PLPP1: variants seen among roughly 807,000 people sequenced by gnomAD.
The protein encoded by PLPP1 is lipid phosphate phosphohydrolase 1a.
In PLPP1, 24 loss-of-function variants were observed where a neutral mutation model predicts 31.2. That is an observed-to-expected ratio of 0.77 (90% CI 0.56 to 1.08). The LOEUF (loss-of-function observed/expected upper bound fraction) is 1.08. Among genes scored for constraint, PLPP1 ranks in the 50% least tolerant of loss-of-function variants. PLPP1 has a pLI of 0.00. For missense variants in PLPP1, 319 were observed against 342.7 expected, an observed-to-expected ratio of 0.93 and a Z score of 0.55; for synonymous variants, 146 against 126.3, an observed-to-expected ratio of 1.16 and a Z score of -1.05.
intron 4 of PLPP1, among the ~76,000 whole-genome samples, chr5:55,430,792 A>G (rs1200159180): frequency 6.6e-6 from 1 of 152,224 alleles, no homozygotes; most frequent in African/African-American, 2.4e-5. Context: ...TTCAAAAAAA[A>G]TTGAAAAAGC....
intron 1 of PLPP1, among the ~76,000 whole-genome samples, chr5:55,482,014 A>G (rs1752675867): frequency 1.4e-5 from 2 of 147,836 alleles, no homozygotes; most frequent in Admixed American, 1.4e-4. Context: ...TTTTATTTTT[A>G]TAAGATCTAT....
chr5:55,498,434 ACAC>A (rs1395902924), intron 1 of PLPP1, among the ~76,000 whole-genome samples: 10 of 152,164 alleles, frequency 6.6e-5, no homozygotes, highest in African/African-American at 1.9e-4. Flanking sequence ...ACACACACAC[ACAC>A]ACCTCTTCAG....
At chr5:55,522,217 T>C (rs1002836814) in intron 1 of PLPP1, among the ~76,000 whole-genome samples, 4 of 152,228 alleles carry the variant, frequency 2.6e-5, no homozygotes, top group African/African-American at 9.7e-5. Flanking sequence ...GAGACAAAGA[T>C]CTTCCTTTCC....
intron 3 of PLPP1, among the ~76,000 whole-genome samples, chr5:55,462,764 G>GTCT (rs1442610549): frequency 2.0e-5 from 3 of 152,104 alleles, no homozygotes; most frequent in African/African-American, 7.2e-5. Context: ...ACGAGGTAAG[G>GTCT]AGAGCAAGAC....
intron 4 of PLPP1, among the ~76,000 whole-genome samples, chr5:55,429,055 C>T (rs1751280034): frequency 6.6e-6 from 1 of 152,150 alleles, no homozygotes; most frequent in Non-Finnish European, 1.5e-5. Context: ...CACCAGGCAT[C>T]ACCCAGAGAC....
chr5:55,434,656 G>A (rs1751449739), intron 4 of PLPP1, among the ~76,000 whole-genome samples: 1 of 152,170 alleles, frequency 6.6e-6, no homozygotes, highest in Non-Finnish European at 1.5e-5. Context: ...TTTGACAGAG[G>A]TACCAAGAAC....
intron 1 of PLPP1, among the ~76,000 whole-genome samples, chr5:55,523,232 A>C (rs1252073881): frequency 6.6e-6 from 1 of 152,132 alleles, no homozygotes. Flanking sequence ...TGTGTTACGA[A>C]CAATCCAATT....
At position 55,534,604 on chromosome 5, in the gene PLPP1, T is replaced by G. The variant is rs1197554136; in HGVS notation, c.26A>C (p.Tyr9Ser). MFDKTRLP[Y>S]VALDVLCVLL... ...CACGCAGAGCACATCGAGGGCCACG[T>G]ACGGCAGCCGCGTCTTGTCAAACAT... is the stretch of plus-strand genomic sequence containing the variant. Residue 9 changes from tyrosine to serine, a missense_variant, in exon 1 of 6, where the codon TAC becomes TCC. Tyr to Ser is a moderately radical substitution (Grantham distance 144, BLOSUM62 -2). Coordinates refer to ENST00000307259, the MANE Select transcript of PLPP1 (RefSeq NM_003711.4). 1 of 1,558,272 alleles carries G rather than the reference T, an allele frequency of 6.4e-7. No individual in the cohort carries two copies. Among genetic ancestry groups the G allele is most frequent in the Non-Finnish European group, 8.7e-7 (1 of 1,154,132 alleles).
At chr5:55,530,314 A>C (rs1215390431) in intron 1 of PLPP1, 142 of 1,474,082 alleles carry the variant, frequency 9.6e-5, no homozygotes, top group Non-Finnish European at 2.8e-6. Flanking sequence ...CAAGGAAGAG[A>C]TACACAAATA....
chr5:55,506,883 T>C (rs1753291226), intron 1 of PLPP1, among the ~76,000 whole-genome samples: 1 of 152,210 alleles, frequency 6.6e-6, no homozygotes, highest in African/African-American at 2.4e-5. Flanking sequence ...CTTTGTTACC[T>C]GAGCAGTTTT....
At chr5:55,435,387 A>G (rs1751467999) in intron 4 of PLPP1, among the ~76,000 whole-genome samples, 1 of 128,884 alleles carries the variant, frequency 7.8e-6, no homozygotes, top group Non-Finnish European at 1.7e-5. Context: ...GGGCTTTTTA[A>G]AAGGTATTAA....
intron 1 of PLPP1, among the ~76,000 whole-genome samples, chr5:55,486,799 G>A (rs1020241944): frequency 6.6e-6 from 1 of 151,936 alleles, no homozygotes; most frequent in Non-Finnish European, 1.5e-5. Context: ...TGTAATCCCA[G>A]CTACTTAGGA....
At chr5:55,480,413 C>A (rs905478189) in intron 1 of PLPP1, among the ~76,000 whole-genome samples, 3 of 151,348 alleles carry the variant, frequency 2.0e-5, no homozygotes, top group African/African-American at 7.3e-5. Context: ...ATTTTCATTA[C>A]CCCCCAAATT....
intron 4 of PLPP1, among the ~76,000 whole-genome samples, chr5:55,441,087 T>TA (rs1422583682): frequency 1.3e-5 from 2 of 152,100 alleles, no homozygotes; most frequent in African/African-American, 4.8e-5. Flanking sequence ...GAGAACATTA[T>TA]AAAAAAATAA....
At chr5:55,514,698 A>G (rs1167308879) in intron 1 of PLPP1, among the ~76,000 whole-genome samples, 9 of 152,248 alleles carry the variant, frequency 5.9e-5, no homozygotes, top group East Asian at 3.8e-4. Context: ...GCACACAAAT[A>G]TAAGGCATAC....
At chr5:55,530,980 GC>G (rs1337158113) in intron 1 of PLPP1, among the ~76,000 whole-genome samples, 1 of 151,486 alleles carries the variant, frequency 6.6e-6, no homozygotes, top group African/African-American at 2.5e-5. Context: ...GGGGCTCGAT[GC>G]CCTACAACAA....
intron 3 of PLPP1, among the ~76,000 whole-genome samples, chr5:55,445,482 A>G (rs1439847966): frequency 6.6e-6 from 1 of 151,114 alleles, no homozygotes; most frequent in East Asian, 1.9e-4. Context: ...AAAGCACAAA[A>G]CAGATACATC....
chr5:55,457,345 A>T (rs768766144), intron 3 of PLPP1, among the ~76,000 whole-genome samples: 6 of 152,198 alleles, frequency 3.9e-5, no homozygotes, highest in Non-Finnish European at 7.3e-5. Flanking sequence ...AAGCCTAAGT[A>T]TACTTAGGTT....
intron 1 of PLPP1, among the ~76,000 whole-genome samples, chr5:55,514,903 AAAC>A (rs1753523605): frequency 6.6e-6 from 1 of 152,238 alleles, no homozygotes. Context: ...ACTACACAAT[AAAC>A]AACTGTTACC....
Sources: gnomAD v4.1 joint callset for allele counts (sites outside exome capture counted in the v4.1 genomes callset) on GRCh38, gnomAD v4.1.1 for gene constraint, MANE v1.5 for transcripts, NCBI Gene and HGNC (gene_info 2026-07-23, HGNC 2026-07-21) for gene names.